Variants in ENDOU observed in about 807,000 individuals in gnomAD.
ENDOU encodes the protein uridylate-specific endoribonuclease.
In ENDOU, 49 loss-of-function variants were observed where a neutral mutation model predicts 54.2. The ratio of observed to expected loss-of-function variants is 0.90; its 90% CI spans 0.72 to 1.15. The LOEUF (loss-of-function observed/expected upper bound fraction) is 1.15, where lower values mean the gene tolerates loss of function less well. Among genes scored for constraint, ENDOU ranks in the 50% most tolerant of loss-of-function variants. The pLI, the probability that ENDOU is intolerant of heterozygous loss-of-function variation, is 0.00. For missense variants in ENDOU, 458 were observed against 511.4 expected, an observed-to-expected ratio of 0.90 and a Z score of 1.01; for synonymous variants, 172 against 190.5, an observed-to-expected ratio of 0.90 and a Z score of 0.80.
Position 47,713,289 on chromosome 12 carries a change from T to C in ENDOU, c.851A>G (p.Glu284Gly). The C allele has an allele frequency of 6.2e-7, 1 of 1,610,994 alleles. No individual in the cohort carries two copies. Among genetic ancestry groups the C allele is most frequent in the East Asian group, 2.2e-5 (1 of 44,850 alleles). ...GNEEGDSSGF[E>G]HVFSGEVKKG... ...AGTGCTCCCACCTGAGAAGACATGT[T>C]CAAAGCCACTCGAGTCCCCCTCTTC... Residue 284 changes from glutamate to glycine, a missense_variant, in exon 7 of 10, where the codon GAA becomes GGA. By Grantham distance (98) the Glu-to-Gly change is moderately conservative. Coordinates refer to ENST00000422538, the MANE Select transcript of ENDOU (RefSeq NM_001172439.2).
chr12:47,710,468 C>A lies in ENDOU; in HGVS notation c.*334G>T. On this transcript the variant is annotated 3_prime_UTR_variant, in exon 10 of 10. Coordinates refer to ENST00000422538, the MANE Select transcript of ENDOU (RefSeq NM_001172439.2). ...CCCTTCCCTTTACATTAAAGGGAAG[C>A]ATGAGGCCTGGTGAGGTCAAAGGAC... is the stretch of plus-strand genomic sequence containing the variant. The A allele has an allele frequency of 5.8e-6, 1 of 173,248 alleles. No homozygotes were observed. The highest frequency in any genetic ancestry group is 1.2e-5 in the Non-Finnish European group (1 of 81,754). 10.7% of individuals were successfully genotyped at this position (173,248 alleles called of 1,614,324 possible).
rs558958403 is a variant in ENDOU, at chr12:47,710,831, C to T, written c.1204G>A (p.Ala402Thr). The T allele has an allele frequency of 2.4e-5, 38 of 1,613,880 alleles. No individual in the cohort carries two copies. The highest frequency in any genetic ancestry group is 3.3e-4 in the Middle Eastern group (2 of 6,060). Reference sequence around the variant, plus strand: ...GTGGAAGACACTATGTAGGCTGTGGCGATGTACTTCTTGCCATTCCCATAG... The same window carrying T: ...GTGGAAGACACTATGTAGGCTGTGGTGATGTACTTCTTGCCATTCCCATAG... ...STYGNGKKYI[A>T]TAYIVSST The change falls in exon 10 of 10, where the codon GCC becomes ACC. Residue 402 changes from alanine to threonine, a missense_variant. Transcript: ENST00000422538.
At chr12:47,718,774 G>A (rs1223059294) in intron 2 of ENDOU, among the ~76,000 whole-genome samples, 2 of 152,126 alleles carry the variant, frequency 1.3e-5, no homozygotes, top group Non-Finnish European at 2.9e-5. Context: ...CTCAGCTCTG[G>A]GTGGAGAAGG....
At chr12:47,723,461 G>A (rs1157796475) in intron 1 of ENDOU, among the ~76,000 whole-genome samples, 1 of 152,158 alleles carries the variant, frequency 6.6e-6, no homozygotes, top group African/African-American at 2.4e-5. Flanking sequence ...CAAGCCAGGT[G>A]CCTGAATCAC....
At chr12:47,718,331 A>AAC (rs1940330275) in intron 2 of ENDOU, 137 bp from the exon 3 acceptor site, 9 of 662,264 alleles carry the variant, frequency 1.4e-5, no homozygotes, top group Non-Finnish European at 2.4e-5. Context: ...GCTGGGGTCC[A>AAC]ATGGACAGGC....
chr12:47,714,839 T>A (rs1350889431), intron 6 of ENDOU, among the ~76,000 whole-genome samples: 1 of 152,256 alleles, frequency 6.6e-6, no homozygotes, highest in South Asian at 2.1e-4. Flanking sequence ...AAAGATTGAC[T>A]GTTTACTGCC....
rs1592501090 is a variant in ENDOU at position 47,712,622 on chromosome 12, C to T, written c.866G>A (p.Gly289Asp). Residue 289 changes from glycine to aspartate, a missense_variant and splice_region_variant, in exon 8 of 10, where the codon GGT becomes GAT. Physicochemically the swap from Gly to Asp is moderately conservative, Grantham distance 94 (BLOSUM62 -1). Coordinates refer to ENST00000422538, the MANE Select transcript of ENDOU (RefSeq NM_001172439.2). ...AGTAACCTTGCCTTTTTTTACCTCA[C>T]CTATAATAAAGAGTCCAAGATGGAT... is the stretch of plus-strand genomic sequence containing the variant. ...DSSGFEHVFS[G>D]EVKKGKVTGF... 3.1e-6 allele frequency: 5 copies of T among 1,611,264 alleles called. No homozygotes were observed. The South Asian group carries it at 3.3e-5, about 11-fold the overall frequency.
chr12:47,717,730 C>T, intron 3 of ENDOU, 75 bp from the exon 4 acceptor site: 7 of 1,492,846 alleles, frequency 4.7e-6, no homozygotes, highest in Non-Finnish European at 6.4e-6. Flanking sequence ...CTGTCGCTCC[C>T]TAGCCTGGCT....
At chr12:47,721,079 A>G (rs759039138) in intron 1 of ENDOU, among the ~76,000 whole-genome samples, 6 of 152,154 alleles carry the variant, frequency 3.9e-5, no homozygotes, top group Non-Finnish European at 8.8e-5. Flanking sequence ...AAATATTTCA[A>G]GGCTCATCAA....
At chr12:47,712,351 T>C (rs925137297) in intron 8 of ENDOU, among the ~76,000 whole-genome samples, 165 bp downstream of exon 8, 2 of 152,152 alleles carry the variant, frequency 1.3e-5, no homozygotes, top group African/African-American at 4.8e-5. Flanking sequence ...AATTCCAGTG[T>C]CCTGGCTGGC....
chr12:47,710,894 G>A lies in ENDOU; in HGVS notation c.1141C>T (p.Pro381Ser). Reference protein sequence around the residue: ...KVCQLSLGGYPLAVRTYTWDK... With the variant: ...KVCQLSLGGYSLAVRTYTWDK... ...CAGGTATATGTCCGGACAGCTAAGGGATATCCTCCCAGGCTTAACTGGCAC... is the reference window on the plus strand; with the variant it reads ...CAGGTATATGTCCGGACAGCTAAGGAATATCCTCCCAGGCTTAACTGGCAC... Residue 381 changes from proline to serine, a missense_variant, in exon 10 of 10, where the codon CCC (proline) becomes TCC (serine). Transcript: ENST00000422538. 6.2e-7 allele frequency: 1 copy of A among 1,613,800 alleles called. No individual in the cohort carries two copies. Among genetic ancestry groups the A allele is most frequent in the Non-Finnish European group, 8.5e-7 (1 of 1,179,728 alleles).
chr12:47,711,554 C>A, intron 9 of ENDOU, 79 bp downstream of exon 9: 1 of 1,491,472 alleles, frequency 6.7e-7, no homozygotes, highest in Non-Finnish European at 9.1e-7. Context: ...TGGCAGAGTC[C>A]AGGTCTCTTG....
At chr12:47,718,069 G>T in intron 3 of ENDOU, 60 bp downstream of exon 3, 1 of 1,439,370 alleles carries the variant, frequency 6.9e-7, no homozygotes, top group Non-Finnish European at 9.5e-7. Flanking sequence ...GCCCCTGCTT[G>T]TCACCCTCAT....
At position 47,710,571 on chromosome 12, in the gene ENDOU, A is replaced by T. The variant is rs146907381; in HGVS notation, c.*231T>A. On this transcript the variant is annotated 3_prime_UTR_variant, in exon 10 of 10. Transcript: ENST00000422538. ...CTTCTCTGCTTGGACTCTGTTTCTT[A>T]GTCAACATTGCCAAAATTCTAGAGG... 16 of 458,438 alleles carry T rather than the reference A, an allele frequency of 3.5e-5. No homozygotes were observed. Among genetic ancestry groups the T allele is most frequent in the Non-Finnish European group, 6.0e-5 (15 of 247,952 alleles). The allele number at this position is 458,438 out of a possible 1,614,324, so 28.4% of individuals were successfully genotyped here.
rs1592499833 is a variant in ENDOU, at chr12:47,711,840, C to A, written c.973-65G>T. On this transcript the variant is annotated intron_variant, in intron 8 of 9. Transcript: ENST00000422538. ...CACAGAGTGGAGTAGAACGGGTGCC[C>A]AATGGCAACAGTCAGACAGTATTTG... The A allele has an allele frequency of 3.2e-6, 5 of 1,559,742 alleles. No individual in the cohort carries two copies. The East Asian group carries it at 9.0e-5, about 28-fold the overall frequency.
Position 47,711,789 on chromosome 12 carries a change from G to A in ENDOU, c.973-14C>T, listed in dbSNP as rs754851823. 6.2e-7 allele frequency: 1 copy of A among 1,613,918 alleles called. No individual in the cohort carries two copies. Among genetic ancestry groups the A allele is most frequent in the African/African-American group, 1.3e-5 (1 of 75,052 alleles). ...GTAAGAATCCCACTGTGGAGGGAAG[G>A]GCAGAAAAGGGGGTCTGGTGAGTGC... On this transcript the variant is annotated splice_polypyrimidine_tract_variant and intron_variant, in intron 8 of 9. Coordinates refer to ENST00000422538, the MANE Select transcript of ENDOU (RefSeq NM_001172439.2).
chr12:47,717,104 G>C, intron 4 of ENDOU, 46 bp from the exon 5 acceptor site: 2 of 1,582,336 alleles, frequency 1.3e-6, no homozygotes, highest in East Asian at 2.2e-5. Context: ...AGAGGGAAAG[G>C]GGGGCGGGCA....
In ENDOU at chr12:47,713,136, G is replaced by A. The variant is rs867808743; in HGVS notation, c.865+139C>T. 237 of 646,630 alleles carry A rather than the reference G, an allele frequency of 3.7e-4. 1 individual carries two copies. Among genetic ancestry groups the A allele is most frequent in the Non-Finnish European group, 5.9e-4 (215 of 365,264 alleles). 40.1% of individuals were successfully genotyped at this position (646,630 alleles called of 1,614,324 possible). ...CACCCCCCCGCCCCCCTGCCATATG[G>A]GCAGGGGAGAGTGCGTGGGTCCCTC... On this transcript the variant is annotated intron_variant, in intron 7 of 9. Transcript: ENST00000422538.
intron 6 of ENDOU, among the ~76,000 whole-genome samples, chr12:47,714,146 T>C (rs1592503565): frequency 6.6e-6 from 1 of 152,384 alleles, no homozygotes; most frequent in East Asian, 1.9e-4. Context: ...TGAATCTTCA[T>C]ATAAGCTTGG....
Sources: allele counts gnomAD v4.1 joint callset (sites outside exome capture counted in the v4.1 genomes callset), GRCh38; gene constraint gnomAD v4.1.1; transcripts MANE v1.5; gene names NCBI Gene and HGNC (gene_info 2026-07-23, HGNC 2026-07-21).